LRP1B: variants seen among roughly 807,000 people sequenced by gnomAD.
LRP1B encodes low-density lipoprotein receptor-related protein 1B.
A neutral mutation model predicts 556.6 loss-of-function variants in LRP1B; 217 were observed. The observed-to-expected ratio is 0.39, with a 90% CI of 0.35 to 0.44. The LOEUF (loss-of-function observed/expected upper bound fraction) is 0.44. Ranked by LOEUF, LRP1B falls within the 20% of genes least tolerant of loss-of-function variation. The pLI is 1.00. For synonymous variants in LRP1B, 2,047 were observed against 1,865.8 expected, an observed-to-expected ratio of 1.10 and a Z score of -2.50; for missense variants, 5,053 against 5,620.8, an observed-to-expected ratio of 0.90 and a Z score of 3.23.
intron 2 of LRP1B, among the ~76,000 whole-genome samples, chr2:141,530,157 A>G (rs1684821695): frequency 1.3e-5 from 2 of 152,148 alleles, no homozygotes; most frequent in African/African-American, 4.8e-5. Context: ...TGATTTTTCT[A>G]GCAGAAAGCA....
At chr2:141,053,190 C>A (rs1452226438) in intron 10 of LRP1B, among the ~76,000 whole-genome samples, 1 of 151,918 alleles carries the variant, frequency 6.6e-6, no homozygotes, top group Non-Finnish European at 1.5e-5. Context: ...ACTCATATAG[C>A]CAAGGGTAGT....
intron 86 of LRP1B, among the ~76,000 whole-genome samples, chr2:140,267,542 G>A (rs572176732): frequency 1.3e-4 from 20 of 151,982 alleles, no homozygotes; most frequent in Admixed American, 4.6e-4. Context: ...AGAGAATAAC[G>A]ACTTGGGAAA....
chr2:142,070,842 A>T (rs1705287242), intron 1 of LRP1B, among the ~76,000 whole-genome samples: 1 of 151,976 alleles, frequency 6.6e-6, no homozygotes, highest in Non-Finnish European at 1.5e-5. Flanking sequence ...CAGCATTTAA[A>T]TATATTACAT....
intron 77 of LRP1B, among the ~76,000 whole-genome samples, chr2:140,343,641 A>G (rs541973543): frequency 1.3e-5 from 2 of 151,870 alleles, no homozygotes; most frequent in South Asian, 2.1e-4. Flanking sequence ...ATGACTTTTT[A>G]TGGTAAGATT....
intron 1 of LRP1B, among the ~76,000 whole-genome samples, chr2:142,017,664 C>T (rs982366283): frequency 2.0e-5 from 3 of 151,968 alleles, no homozygotes; most frequent in Non-Finnish European, 2.9e-5. Flanking sequence ...CACTTGTGCC[C>T]AAGAGTTTTG....
intron 1 of LRP1B, among the ~76,000 whole-genome samples, chr2:142,115,051 T>C (rs1194357082): frequency 6.6e-6 from 1 of 151,920 alleles, no homozygotes; most frequent in Non-Finnish European, 1.5e-5. Context: ...AAAATAGAAA[T>C]ACATAAGGTA....
chr2:140,883,763 T>C (rs763251761), intron 25 of LRP1B, 54 bp downstream of exon 25: 22 of 1,389,336 alleles, frequency 1.6e-5, no homozygotes, highest in Non-Finnish European at 2.0e-5. Flanking sequence ...CAATGTTAAA[T>C]TGAAAGACTA....
chr2:141,693,928 A>G (rs1419453252), intron 2 of LRP1B, among the ~76,000 whole-genome samples: 1 of 152,012 alleles, frequency 6.6e-6, no homozygotes, highest in Non-Finnish European at 1.5e-5. Context: ...TAGAAGCCAC[A>G]TGAATTGAGA....
intron 2 of LRP1B, among the ~76,000 whole-genome samples, chr2:141,489,274 C>T (rs1045824802): frequency 6.6e-6 from 1 of 151,396 alleles, no homozygotes; most frequent in Non-Finnish European, 1.5e-5. Flanking sequence ...AGGCATGAGC[C>T]ACTACACCTT....
At chr2:141,769,998 C>T (rs1294994726) in intron 2 of LRP1B, among the ~76,000 whole-genome samples, 46 of 152,162 alleles carry the variant, frequency 3.0e-4, no homozygotes, top group Non-Finnish European at 2.9e-5. Context: ...TTGAAGACCA[C>T]TTACAAAGAG....
intron 41 of LRP1B, among the ~76,000 whole-genome samples, chr2:140,672,048 G>T (rs1305791189): frequency 6.6e-6 from 1 of 152,128 alleles, no homozygotes; most frequent in Non-Finnish European, 1.5e-5. Context: ...TTCTGGGCAT[G>T]GTCTATCCTG....
Position 140,495,589 on chromosome 2 carries a change from G to T in LRP1B, c.9010C>A (p.Pro3004Thr), listed in dbSNP as rs1688888148. The T allele has an allele frequency of 6.3e-7, 1 of 1,593,478 alleles. No individual in the cohort carries two copies. Reference protein sequence around the residue: ...TDGYEIQPDNPNGCKSLSDEE... With the variant: ...TDGYEIQPDNTNGCKSLSDEE... ...CCTGAGAGCGATTTGCAGCCATTTG[G>T]GTTATCAGGTTGTATTTCATACCCA... Residue 3004 changes from proline (P) to threonine (T), a missense_variant, in exon 56 of 91, where the codon CCA becomes ACA. Around this residue, in one of 5 missense-constraint regions of LRP1B, gnomAD observed 3,619 missense variants for 3,931.9 expected, o/e 0.92. Transcript: ENST00000389484.
rs181547561 is a variant in LRP1B, at chr2:140,545,246, C to T, written c.7195-3275G>A. Among the ~76,000 whole-genome samples, 1,109 of 151,456 alleles carry T rather than the reference C, an allele frequency of 7.3e-3. 6 individuals carry two copies. The highest frequency in any genetic ancestry group is 0.011 in the Non-Finnish European group (763 of 67,892). ...TTCCATTCTGTAGGTGGTCTGTTTACCCTGCCGATAGTTTCTATGGCTGTG... is the reference window on the plus strand; with the variant it reads ...TTCCATTCTGTAGGTGGTCTGTTTATCCTGCCGATAGTTTCTATGGCTGTG... On this transcript the variant is annotated intron_variant, in intron 43 of 90. Transcript: ENST00000389484.
intron 21 of LRP1B, among the ~76,000 whole-genome samples, chr2:140,914,247 A>G (rs1036811585): frequency 6.6e-6 from 1 of 152,106 alleles, no homozygotes; most frequent in Admixed American, 6.6e-5. Flanking sequence ...TGAGTGAGAG[A>G]TAATGAAAGC....
intron 35 of LRP1B, among the ~76,000 whole-genome samples, chr2:140,737,046 C>T (rs112665088): frequency 0.045 from 6,811 of 152,182 alleles, 231 homozygotes; most frequent in South Asian, 0.092. Context: ...CTACAACACC[C>T]ACCCTCCCCC....
At chr2:141,048,504 C>G (rs1245271990) in intron 11 of LRP1B, among the ~76,000 whole-genome samples, 1 of 151,958 alleles carries the variant, frequency 6.6e-6, no homozygotes, top group Non-Finnish European at 1.5e-5. Context: ...ATTCCAAGGG[C>G]AACTCTAGAA....
At position 141,865,436 on chromosome 2, in the gene LRP1B, C is replaced by T. The variant is rs1318522136; in HGVS notation, c.83-55035G>A. On this transcript the variant is annotated intron_variant, in intron 1 of 90. Transcript: ENST00000389484. ...TGAAACCCCGTCTCTACTAAAAATA[C>T]AAAAAATTAGCCGGGCGTAGTGGCG... 2.7e-5 allele frequency among the ~76,000 whole-genome samples: 4 copies of T among 150,342 alleles called. No individual in the cohort carries two copies. The South Asian group carries it at 6.3e-4, about 24-fold the overall frequency.
intron 3 of LRP1B, among the ~76,000 whole-genome samples, chr2:141,452,792 A>AT (rs1176614109): frequency 6.6e-6 from 1 of 152,250 alleles, no homozygotes; most frequent in African/African-American, 2.4e-5. Flanking sequence ...CCCAGGAGGT[A>AT]TTTCCTTTCT....
Position 140,924,395 on chromosome 2 carries a change from A to G in LRP1B, c.3137-1248T>C, listed in dbSNP as rs550791224. Among the ~76,000 whole-genome samples the G allele has an allele frequency of 2.6e-5, 4 of 152,176 alleles. No homozygotes were observed. In the East Asian group the frequency reaches 7.7e-4, roughly 29 times the overall value. ...TTGTTGCTGTTATTTTCTATAATAT[A>G]AATGGTTTAGTTCTTTATTTTTTCT... On this transcript the variant is annotated intron_variant, in intron 20 of 90. Coordinates refer to ENST00000389484, the MANE Select transcript of LRP1B (RefSeq NM_018557.3).
Sources: allele counts gnomAD v4.1 joint callset (sites outside exome capture counted in the v4.1 genomes callset), GRCh38; gene constraint gnomAD v4.1.1; regional missense constraint gnomAD v4.1.1; transcripts MANE v1.5; gene names NCBI Gene and HGNC (gene_info 2026-07-23, HGNC 2026-07-21).